The following TP53BP1 variants were observed in gnomAD, a reference collection of about 807,000 sequenced individuals.
The protein encoded by TP53BP1 is TP53-binding protein 1.
Under a neutral mutation model 200.8 loss-of-function variants are expected in TP53BP1, and 61 were observed. The ratio of observed to expected loss-of-function variants is 0.30; its 90% CI spans 0.25 to 0.38. The LOEUF is 0.38. Among genes scored for constraint, TP53BP1 ranks in the 10% least tolerant of loss-of-function variants. The pLI is 1.00. For synonymous variants in TP53BP1, 822 were observed against 844.3 expected (o/e 0.97, Z 0.46); for missense variants, 2,144 against 2,371.9 (o/e 0.90, Z 2.00).
intron 1 of TP53BP1, among the ~76,000 whole-genome samples, chr15:43,508,231 ACG>A (rs2079249010): frequency 6.6e-6 from 1 of 151,890 alleles, no homozygotes; most frequent in Non-Finnish European, 1.5e-5. Flanking sequence ...ATGGTGGCGC[ACG>A]CCTGTAGTCC....
At chr15:43,428,410 A>G (rs2045598977) in intron 17 of TP53BP1, among the ~76,000 whole-genome samples, 1 of 152,216 alleles carries the variant, frequency 6.6e-6, no homozygotes, top group Non-Finnish European at 1.5e-5. Flanking sequence ...GTCTAAATCA[A>G]AATCATTACA....
intron 15 of TP53BP1, chr15:43,441,292 A>C: frequency 2.5e-6 from 1 of 402,770 alleles, no homozygotes; most frequent in Non-Finnish European, 4.4e-6. Context: ...TCTCACATGA[A>C]CAAAAGTAAA....
chr15:43,489,390 G>A (rs1296521770), intron 4 of TP53BP1, among the ~76,000 whole-genome samples: 1 of 152,184 alleles, frequency 6.6e-6, no homozygotes, highest in African/African-American at 2.4e-5. Context: ...CTCAAACCAG[G>A]ATGCTGAGCC....
chr15:43,471,914 A>G (rs1046314288), intron 10 of TP53BP1, among the ~76,000 whole-genome samples: 6 of 152,216 alleles, frequency 3.9e-5, no homozygotes, highest in Non-Finnish European at 5.9e-5. Context: ...TTATGCTTAG[A>G]TTGATATTAG....
chr15:43,483,733 A>T (rs1319197012), intron 4 of TP53BP1, among the ~76,000 whole-genome samples: 1 of 152,256 alleles, frequency 6.6e-6, no homozygotes, highest in East Asian at 1.9e-4. Context: ...TTTGGGAAAC[A>T]GAGGGAAAGA....
Position 43,432,587 on chromosome 15 carries a change from A to G in TP53BP1, c.3282T>C (p.Pro1094=), listed in dbSNP as rs1261135798. The change falls in exon 17 of 28, where the codon CCT becomes CCC. Residue 1094 remains proline, a synonymous_variant. Transcript: ENST00000382044. ...GDHTIRQSQQ[P]MKPISPVKDP... ...CCTTGACAGGACTAATGGGCTTCAT[A>G]GGCTGTTGACTCTGCCTGATTGTAT... 6.2e-7 allele frequency: 1 copy of G among 1,614,144 alleles called. No homozygotes were observed.
intron 18 of TP53BP1, among the ~76,000 whole-genome samples, chr15:43,425,374 T>C (rs1338350832): frequency 6.6e-6 from 1 of 152,146 alleles, no homozygotes; most frequent in Non-Finnish European, 1.5e-5. Flanking sequence ...TGTAATCCCA[T>C]TGCCTTGGGA....
intron 1 of TP53BP1, among the ~76,000 whole-genome samples, chr15:43,499,124 A>T (rs1450721521): frequency 6.6e-6 from 1 of 152,186 alleles, no homozygotes; most frequent in African/African-American, 2.4e-5. Context: ...AAAGAATATA[A>T]GAGAAGACTT....
At chr15:43,453,109 G>A (rs1394377571) in intron 12 of TP53BP1, among the ~76,000 whole-genome samples, 2 of 142,070 alleles carry the variant, frequency 1.4e-5, no homozygotes, top group Non-Finnish European at 3.0e-5. Flanking sequence ...CAGGAGAATG[G>A]CATGAACCCA....
In TP53BP1 at chr15:43,480,001, C is replaced by T; in HGVS notation, c.516G>A (p.Gln172=). 1 of 1,614,086 alleles carries T rather than the reference C, an allele frequency of 6.2e-7. No homozygotes were observed. ...SLGAEDTASS[Q]LGFGVLELSQ... ...AGAGTTCCAGAACCCCAAAACCCAA[C>T]TGTGATGAGGCAGTATCTAGGAACA... Residue 172 remains glutamine (Q), a synonymous_variant, in exon 6 of 28, where the codon CAG becomes CAA. Transcript: ENST00000382044.
Position 43,428,094 on chromosome 15 carries a change from T to G in TP53BP1, c.3750A>C (p.Glu1250Asp). The G allele has an allele frequency of 6.2e-7, 1 of 1,613,520 alleles. No individual in the cohort carries two copies. The change falls in exon 18 of 28, where the codon GAA becomes GAC. Residue 1250 changes from glutamate to aspartate, a missense_variant. Physicochemically the swap from Glu to Asp is conservative, Grantham distance 45. Transcript: ENST00000382044. ...VLHRHMRTIR[E>D]VRTLVTRVIT... Reference sequence around the variant, plus strand: ...TGACACGAGTGACAAGTGTGCGTACTTCCCGGATTGTTCTCATGTGACGAT... The same window carrying G: ...TGACACGAGTGACAAGTGTGCGTACGTCCCGGATTGTTCTCATGTGACGAT...
At chr15:43,442,815 CTTTTTTTTTTTTTTT>C (rs71111818) in intron 14 of TP53BP1, among the ~76,000 whole-genome samples, 27 of 61,038 alleles carry the variant, frequency 4.4e-4, no homozygotes, top group African/African-American at 2.0e-3. Flanking sequence ...CAGTAATATT[CTTTTTTTTTTTTTTT>C]TTTTTTTTTT....
chr15:43,457,876 G>A (rs1228353875), intron 11 of TP53BP1, among the ~76,000 whole-genome samples: 2 of 151,238 alleles, frequency 1.3e-5, no homozygotes, highest in South Asian at 2.1e-4. Flanking sequence ...AGAATTAGCC[G>A]GGTGGGGTGG....
At chr15:43,493,007 A>C in intron 1 of TP53BP1, 30 bp downstream of exon 1, 1 of 1,595,762 alleles carries the variant, frequency 6.3e-7, no homozygotes, top group Non-Finnish European at 8.5e-7. Flanking sequence ...TTCAGAGCCC[A>C]CTGCACTCCC....
Position 43,405,175 on chromosome 15 carries a change from T to G in TP53BP1, c.*2208A>C. On this transcript the variant is annotated 3_prime_UTR_variant, in exon 28 of 28. Transcript: ENST00000382044. ...GGTAGTCTTGGGAAAGCATGACACT[T>G]AATAAGGCTCTTTTTCTCTTTTGTA... 1 of 1,613,978 alleles carries G rather than the reference T, an allele frequency of 6.2e-7. No individual in the cohort carries two copies. The highest frequency in any genetic ancestry group is 1.1e-5 in the South Asian group (1 of 91,074).
chr15:43,492,498 G>A, intron 1 of TP53BP1, 30 bp from the exon 2 acceptor site: 12 of 1,588,092 alleles, frequency 7.6e-6, no homozygotes, highest in Non-Finnish European at 1.0e-5. Context: ...GATCAGTTCC[G>A]TGTAACCTAC....
intron 10 of TP53BP1, among the ~76,000 whole-genome samples, chr15:43,473,201 G>A (rs2046770100): frequency 6.6e-6 from 1 of 152,170 alleles, no homozygotes; most frequent in African/African-American, 2.4e-5. Flanking sequence ...GCAGTAGCAA[G>A]ATTTATTGCA....
chr15:43,455,769 G>A, intron 12 of TP53BP1, 123 bp downstream of exon 12: 1 of 1,177,502 alleles, frequency 8.5e-7, no homozygotes, highest in East Asian at 2.5e-5. Context: ...AATTATTATT[G>A]GTTGTTCATA....
Position 43,405,082 on chromosome 15 carries a change from A to C in TP53BP1, c.*2301T>G. 1 of 1,183,496 alleles carries C rather than the reference A, an allele frequency of 8.4e-7. No homozygotes were observed. The highest frequency in any genetic ancestry group is 1.2e-6 in the Non-Finnish European group (1 of 817,334). 73.3% of individuals were successfully genotyped at this position (1,183,496 alleles called of 1,614,324 possible). ...TAAGCTATTGTAGCAGAAGAGTCAA[A>C]AGAAACTCTTCAGTTTTAAGATGAC... is the stretch of plus-strand genomic sequence containing the variant. On this transcript the variant is annotated 3_prime_UTR_variant, in exon 28 of 28. Transcript: ENST00000382044.
Sources: gnomAD v4.1 joint callset for allele counts (sites outside exome capture counted in the v4.1 genomes callset) on GRCh38, gnomAD v4.1.1 for gene constraint, MANE v1.5 for transcripts, NCBI Gene and HGNC (gene_info 2026-07-23, HGNC 2026-07-21) for gene names.